The following ZMAT4 variants were observed in gnomAD, a reference collection of about 807,000 sequenced individuals.
ZMAT4 encodes zinc finger matrin-type 4, also known as zinc finger matrin-type protein 4.
A neutral mutation model predicts 28.7 loss-of-function variants in ZMAT4; 17 were observed. The observed-to-expected ratio is 0.59, with a 90% CI of 0.41 to 0.89. ZMAT4 has a LOEUF of 0.89. ZMAT4 is among the 40% of genes least tolerant of loss of function. The pLI, the probability that ZMAT4 is intolerant of heterozygous loss-of-function variation, is 0.00. For synonymous variants in ZMAT4, 117 were observed against 109.2 expected, an observed-to-expected ratio of 1.07 and a Z score of -0.44; for missense variants, 240 against 283.8, an observed-to-expected ratio of 0.85 and a Z score of 1.11.
chr8:40,631,550 C>T (rs147139122), intron 5 of ZMAT4, among the ~76,000 whole-genome samples: 2 of 152,158 alleles, frequency 1.3e-5, no homozygotes, highest in Admixed American at 1.3e-4. Flanking sequence ...AGTTCTAATG[C>T]GAGATATATG....
chr8:40,699,623 A>G (rs574760214), intron 3 of ZMAT4, among the ~76,000 whole-genome samples: 54 of 100,038 alleles, frequency 5.4e-4, no homozygotes, highest in African/African-American at 1.6e-3. Flanking sequence ...CACACACACC[A>G]TGGAATACTA....
intron 5 of ZMAT4, among the ~76,000 whole-genome samples, chr8:40,636,321 A>G (rs1806790480): frequency 6.6e-6 from 1 of 152,256 alleles, no homozygotes; most frequent in South Asian, 2.1e-4. Flanking sequence ...GGGTTGAAGT[A>G]TGGCGCACAA....
chr8:40,659,282 A>C (rs1808077594), intron 5 of ZMAT4, among the ~76,000 whole-genome samples: 1 of 152,200 alleles, frequency 6.6e-6, no homozygotes, highest in Non-Finnish European at 1.5e-5. Context: ...GGCAGGAGTC[A>C]ATAAATTTAG....
chr8:40,590,597 C>G (rs1804859452), intron 5 of ZMAT4, among the ~76,000 whole-genome samples: 2 of 152,220 alleles, frequency 1.3e-5, no homozygotes, highest in South Asian at 4.1e-4. Context: ...TAAACTACAA[C>G]TGTCAAACTG....
At chr8:40,615,549 A>C (rs1805970335) in intron 5 of ZMAT4, among the ~76,000 whole-genome samples, 1 of 152,194 alleles carries the variant, frequency 6.6e-6, no homozygotes, top group Admixed American at 6.5e-5. Flanking sequence ...TCTCCCCGTC[A>C]CTGTCAAGTA....
intron 5 of ZMAT4, among the ~76,000 whole-genome samples, chr8:40,608,163 G>A (rs1429781252): frequency 6.6e-6 from 1 of 152,084 alleles, no homozygotes; most frequent in African/African-American, 2.4e-5. Context: ...TTTGTCTTTG[G>A]CTATCAGGGA....
At chr8:40,546,764 T>G (rs1803215609) in intron 6 of ZMAT4, among the ~76,000 whole-genome samples, 1 of 152,042 alleles carries the variant, frequency 6.6e-6, no homozygotes. Context: ...GAGCTGCAAA[T>G]GCCAGGAAAT....
intron 6 of ZMAT4, among the ~76,000 whole-genome samples, chr8:40,571,734 C>T (rs1804105145): frequency 6.6e-6 from 1 of 152,108 alleles, no homozygotes; most frequent in Non-Finnish European, 1.5e-5. Context: ...ACCCTTTATT[C>T]AGAGCTTTAC....
intron 6 of ZMAT4, among the ~76,000 whole-genome samples, chr8:40,539,237 T>C (rs1802949745): frequency 6.6e-6 from 1 of 152,204 alleles, no homozygotes. Flanking sequence ...ATTAAAGGCC[T>C]GACACACATT....
At chr8:40,852,739 A>G (rs2150636720) in intron 1 of ZMAT4, among the ~76,000 whole-genome samples, 1 of 152,316 alleles carries the variant, frequency 6.6e-6, no homozygotes, top group East Asian at 1.9e-4. Flanking sequence ...TGATTTTGTA[A>G]CATCATGCAT....
intron 5 of ZMAT4, among the ~76,000 whole-genome samples, chr8:40,635,038 TTTAAAGGCAAAGACA>T (rs1806739223): frequency 6.6e-6 from 1 of 152,178 alleles, no homozygotes; most frequent in African/African-American, 2.4e-5. Context: ...GAGAGATCTT[TTTAAAGGCAAAGACA>T]GCAATTTCCT....
chr8:40,890,740 C>T (rs547874094), intron 1 of ZMAT4, among the ~76,000 whole-genome samples: 1 of 152,280 alleles, frequency 6.6e-6, no homozygotes, highest in East Asian at 1.9e-4. Flanking sequence ...ACAACCCTAC[C>T]TCCCCTTGCC....
intron 6 of ZMAT4, among the ~76,000 whole-genome samples, chr8:40,550,278 C>T (rs1419343519): frequency 6.6e-6 from 1 of 152,258 alleles, no homozygotes; most frequent in African/African-American, 2.4e-5. Context: ...GTCCAGGATG[C>T]TTCCACCTGA....
intron 5 of ZMAT4, among the ~76,000 whole-genome samples, chr8:40,669,830 C>G (rs1439512986): frequency 6.6e-6 from 1 of 152,080 alleles, no homozygotes; most frequent in African/African-American, 2.4e-5. Context: ...GTCAATTGTA[C>G]TTGGCGACAC....
At chr8:40,631,574 T>C (rs1483100713) in intron 5 of ZMAT4, among the ~76,000 whole-genome samples, 1 of 152,244 alleles carries the variant, frequency 6.6e-6, no homozygotes, top group Admixed American at 6.5e-5. Flanking sequence ...TTCCCTGTTC[T>C]GGCCTGTTCC....
chr8:40,650,867 A>C (rs1374766284), intron 5 of ZMAT4, among the ~76,000 whole-genome samples: 2 of 152,016 alleles, frequency 1.3e-5, no homozygotes, highest in African/African-American at 2.4e-5. Flanking sequence ...CCTTTGACAA[A>C]ATTCAACAAC....
intron 2 of ZMAT4, among the ~76,000 whole-genome samples, chr8:40,785,429 T>C (rs574760953): frequency 1.5e-4 from 23 of 152,378 alleles, no homozygotes; most frequent in East Asian, 5.8e-4. Context: ...AGGTACAATG[T>C]ACTGTAGGTG....
chr8:40,592,033 G>T (rs57286386), intron 5 of ZMAT4, among the ~76,000 whole-genome samples: 12,092 of 152,062 alleles, frequency 0.08, 806 homozygotes, highest in East Asian at 0.39. Context: ...TTGTTTGTTT[G>T]TTTTAAAACA....
chr8:40,639,150 T>C (rs764232097), intron 5 of ZMAT4, among the ~76,000 whole-genome samples: 1 of 152,236 alleles, frequency 6.6e-6, no homozygotes, highest in Non-Finnish European at 1.5e-5. Context: ...TGGAGAAACA[T>C]GGACCGGCCA....
Sources: allele counts gnomAD v4.1 joint callset (sites outside exome capture counted in the v4.1 genomes callset), GRCh38; gene constraint gnomAD v4.1.1; transcripts MANE v1.5; gene names NCBI Gene and HGNC (gene_info 2026-07-23, HGNC 2026-07-21).